MIER2: variants seen among roughly 807,000 people sequenced by gnomAD.
MIER2 encodes the protein mesoderm induction early response protein 2.
A neutral mutation model predicts 67.6 loss-of-function variants in MIER2; 30 were observed. That is an observed-to-expected ratio of 0.44 (90% CI 0.33 to 0.60). The LOEUF is 0.60. Among genes scored for constraint, MIER2 ranks in the 20% least tolerant of loss-of-function variants. The probability of loss-of-function intolerance (pLI) is 0.02; values close to 1 mark genes in which losing one functional copy is unlikely to be tolerated. For synonymous variants in MIER2, 372 were observed against 312.6 expected (o/e 1.19, Z -2.00); for missense variants, 702 against 745.1 (o/e 0.94, Z 0.67).
intron 10 of MIER2, among the ~76,000 whole-genome samples, chr19:309,670 A>G (rs1170214738): frequency 2.8e-5 from 3 of 107,630 alleles, no homozygotes; most frequent in African/African-American, 4.7e-5. Flanking sequence ...ACACACACAC[A>G]CACACACACA....
intron 10 of MIER2, among the ~76,000 whole-genome samples, chr19:311,189 C>A (rs1970983943): frequency 6.6e-6 from 1 of 152,238 alleles, no homozygotes; most frequent in Admixed American, 6.5e-5. Context: ...GACTCAGTGC[C>A]CAACCGGGGC....
At chr19:338,642 C>A (rs946214843) in intron 1 of MIER2, among the ~76,000 whole-genome samples, 1 of 152,168 alleles carries the variant, frequency 6.6e-6, no homozygotes, top group African/African-American at 2.4e-5. Flanking sequence ...ACAATACTTC[C>A]TGATTTCAAA....
chr19:318,105 GA>G (rs1170212310), intron 7 of MIER2, among the ~76,000 whole-genome samples: 1 of 152,024 alleles, frequency 6.6e-6, no homozygotes, highest in African/African-American at 2.4e-5. Flanking sequence ...TTGGGAGGCA[GA>G]GGGGGAAGAA....
rs1171415201 is a variant in MIER2, at chr19:308,201, C to T, written c.1198+376G>A. On this transcript the variant is annotated intron_variant, in intron 12 of 13. Coordinates refer to ENST00000264819, the MANE Select transcript of MIER2 (RefSeq NM_017550.3). The surrounding 1 kb of genome is among the most constrained non-coding windows in gnomAD (Gnocchi z 9.1). ...GGCCTCAGGTGCAAGATCCTGGCGA[C>T]GGCTCCGGACACCCTGTCCTTCCTG... Among the ~76,000 whole-genome samples the T allele has an allele frequency of 1.3e-5, 2 of 152,182 alleles. No individual in the cohort carries two copies. The highest frequency in any genetic ancestry group is 2.4e-5 in the African/African-American group (1 of 41,444).
rs922737746 is a variant in MIER2, at chr19:315,986, C to T, written c.656-2343G>A. Among the ~76,000 whole-genome samples the T allele has an allele frequency of 7.9e-5, 12 of 152,342 alleles. No homozygotes were observed. In the East Asian group the frequency reaches 9.6e-4, roughly 12 times the overall value. On this transcript the variant is annotated intron_variant, in intron 7 of 13. Transcript: ENST00000264819. ...ATGACTTCAGAAGAAAGAGTAAGAC[C>T]GTCCTCTGACTTCTCAACAGAAACG...
intron 7 of MIER2, among the ~76,000 whole-genome samples, chr19:320,515 C>T (rs985670891): frequency 6.6e-6 from 1 of 152,036 alleles, no homozygotes; most frequent in Non-Finnish European, 1.5e-5. Context: ...TTCCCAACCC[C>T]CAGGCCACAG....
At chr19:317,933 G>A (rs1175278542) in intron 7 of MIER2, among the ~76,000 whole-genome samples, 1 of 152,208 alleles carries the variant, frequency 6.6e-6, no homozygotes, top group Non-Finnish European at 1.5e-5. Context: ...GTCGGACACA[G>A]TGGCTCACAC....
intron 1 of MIER2, among the ~76,000 whole-genome samples, chr19:343,576 C>G (rs1184430753): frequency 6.6e-6 from 1 of 152,206 alleles, no homozygotes; most frequent in African/African-American, 2.4e-5. Context: ...GTCCTGCCTC[C>G]CACAACGCCC....
At chr19:310,734 T>TAGAAACACAGCCCGGAGCTAC in intron 10 of MIER2, among the ~76,000 whole-genome samples, 1 of 112,740 alleles carries the variant, frequency 8.9e-6, no homozygotes, top group Non-Finnish European at 1.7e-5. Context: ...CCCGGAGCTG[T>TAGAAACACAGCCCGGAGCTAC]AGAAACACAG....
intron 2 of MIER2, among the ~76,000 whole-genome samples, chr19:335,482 T>C (rs918379389): frequency 2.6e-5 from 4 of 152,210 alleles, no homozygotes; most frequent in Admixed American, 1.3e-4. Context: ...AAAACAGGGA[T>C]GGCACCGCCT....
At chr19:324,534 A>G (rs1208400456) in intron 7 of MIER2, among the ~76,000 whole-genome samples, 1 of 135,878 alleles carries the variant, frequency 7.4e-6, no homozygotes, top group Non-Finnish European at 1.5e-5. Flanking sequence ...TCACAATGCA[A>G]TAAAGACACA....
rs577570783 is a variant in MIER2 at position 344,211 on chromosome 19, C to G, written c.9+563G>C. 123 of 985,422 alleles carry G rather than the reference C, an allele frequency of 1.2e-4. 2 individuals are homozygous for G. The African/African-American group carries it at 1.9e-3, about 15-fold the overall frequency. 61.0% of individuals were successfully genotyped at this position (985,422 alleles called of 1,614,324 possible). A position where few individuals can be genotyped will look rare whatever the true frequency, so the allele number is the denominator to read the frequency against. On this transcript the variant is annotated intron_variant, in intron 1 of 13. Transcript: ENST00000264819. ...AGACCCACCCACCCTGCGCCCAGTTCGCGCCAGGCGGGTCCGCGTCGGGAG... is the reference window on the plus strand; with the variant it reads ...AGACCCACCCACCCTGCGCCCAGTTGGCGCCAGGCGGGTCCGCGTCGGGAG...
At chr19:338,383 G>A (rs1163181615) in intron 1 of MIER2, among the ~76,000 whole-genome samples, 3 of 151,354 alleles carry the variant, frequency 2.0e-5, no homozygotes, top group Non-Finnish European at 4.4e-5. Context: ...TAGCATCAAG[G>A]GAAGTGTGAA....
At chr19:321,179 T>C (rs1054221732) in intron 7 of MIER2, among the ~76,000 whole-genome samples, 1 of 152,164 alleles carries the variant, frequency 6.6e-6, no homozygotes, top group Non-Finnish European at 1.5e-5. Context: ...CGTAAAGGTG[T>C]TGCGAGTTTT....
At chr19:329,268 T>G (rs1227035153) in intron 3 of MIER2, among the ~76,000 whole-genome samples, 1 of 152,230 alleles carries the variant, frequency 6.6e-6, no homozygotes, top group African/African-American at 2.4e-5. Flanking sequence ...GTCCCCCTTT[T>G]GTTCTCTCAC....
chr19:325,359 G>A (rs921270237), intron 7 of MIER2, among the ~76,000 whole-genome samples: 1 of 152,176 alleles, frequency 6.6e-6, no homozygotes, highest in Non-Finnish European at 1.5e-5. Flanking sequence ...CAAGGGCAGG[G>A]CAGGGCTGGG....
intron 1 of MIER2, among the ~76,000 whole-genome samples, chr19:338,515 A>G (rs1972365256): frequency 6.6e-6 from 1 of 152,182 alleles, no homozygotes; most frequent in African/African-American, 2.4e-5. Flanking sequence ...CCACTGATTG[A>G]CAAATTCAAC....
intron 10 of MIER2, among the ~76,000 whole-genome samples, chr19:311,225 G>C (rs1970985696): frequency 6.6e-6 from 1 of 152,250 alleles, no homozygotes; most frequent in African/African-American, 2.4e-5. Flanking sequence ...GAAGCCACTG[G>C]TCAGAGCCAT....
chr19:326,742 C>G (rs1196551441), intron 5 of MIER2, 144 bp from the exon 6 acceptor site: 2 of 658,644 alleles, frequency 3.0e-6, no homozygotes, highest in Admixed American at 2.6e-5. Context: ...CAGATGGGCA[C>G]AGGACCCAGG....
Sources: allele counts gnomAD v4.1 joint callset (sites outside exome capture counted in the v4.1 genomes callset), GRCh38; gene constraint gnomAD v4.1.1; non-coding constraint Gnocchi (gnomAD v3.1); transcripts MANE v1.5; gene names NCBI Gene and HGNC (gene_info 2026-07-23, HGNC 2026-07-21).